PRDM6: variants seen among roughly 807,000 people sequenced by gnomAD.
The protein encoded by PRDM6 is PR/SET domain 6, also known as putative histone-lysine N-methyltransferase PRDM6.
Under a neutral mutation model 60.8 loss-of-function variants are expected in PRDM6, and 25 were observed. The observed-to-expected ratio is 0.41, with a 90% confidence interval of 0.30 to 0.57. PRDM6 has a LOEUF of 0.57. Among genes scored for constraint, PRDM6 ranks in the 20% least tolerant of loss-of-function variants. The probability of loss-of-function intolerance (pLI) is 0.27; values close to 1 mark genes in which losing one functional copy is unlikely to be tolerated. For missense variants in PRDM6, 839 were observed against 821.3 expected (o/e 1.02, Z -0.26); for synonymous variants, 407 against 357.4 (o/e 1.14, Z -1.57).
chr5:123,127,055 T>G (rs1472498048), intron 3 of PRDM6, among the ~76,000 whole-genome samples: 3 of 151,766 alleles, frequency 2.0e-5, no homozygotes, highest in Non-Finnish European at 4.4e-5. Flanking sequence ...TTTTTTTTTT[T>G]GAGATGGAGT....
At chr5:123,136,715 T>C (rs1366127746) in intron 3 of PRDM6, among the ~76,000 whole-genome samples, 1 of 152,210 alleles carries the variant, frequency 6.6e-6, no homozygotes, top group Non-Finnish European at 1.5e-5. Context: ...ATTTTATGTG[T>C]GCTGAATTTA....
At chr5:123,105,301 A>G (rs1580480965) in intron 3 of PRDM6, among the ~76,000 whole-genome samples, 1 of 152,210 alleles carries the variant, frequency 6.6e-6, no homozygotes, top group Admixed American at 6.5e-5. Context: ...AGAAATCAGT[A>G]TCTCAGAGGT....
intron 3 of PRDM6, among the ~76,000 whole-genome samples, chr5:123,115,348 G>C (rs1043491234): frequency 3.3e-5 from 5 of 152,108 alleles, no homozygotes; most frequent in Admixed American, 2.0e-4. Flanking sequence ...CTTCTCCAAG[G>C]AAAGGGATGC....
intron 7 of PRDM6, among the ~76,000 whole-genome samples, chr5:123,182,329 A>G (rs1206603656): frequency 1.3e-5 from 2 of 152,190 alleles, no homozygotes; most frequent in Non-Finnish European, 2.9e-5. Flanking sequence ...TGTGCCTTTG[A>G]GCAAGAGAGC....
chr5:123,109,344 A>T (rs1355335008), intron 3 of PRDM6, among the ~76,000 whole-genome samples: 2 of 152,168 alleles, frequency 1.3e-5, no homozygotes, highest in East Asian at 1.9e-4. Context: ...ATGGCTATGT[A>T]AATTACAGAG....
At chr5:123,125,021 T>G (rs1031127505) in intron 3 of PRDM6, among the ~76,000 whole-genome samples, 4 of 152,088 alleles carry the variant, frequency 2.6e-5, no homozygotes, top group Non-Finnish European at 5.9e-5. Flanking sequence ...TGCCAGAATT[T>G]CATCATTACC....
At chr5:123,143,367 G>A (rs1357779510) in intron 3 of PRDM6, among the ~76,000 whole-genome samples, 4 of 152,092 alleles carry the variant, frequency 2.6e-5, no homozygotes, top group African/African-American at 7.2e-5. Flanking sequence ...GCCCACAGAT[G>A]CTTCCTGTGG....
Position 123,188,015 on chromosome 5 carries a change from A to G in PRDM6, c.*814A>G, listed in dbSNP as rs76598727. Reference sequence around the variant, plus strand: ...AACATTTTAGCTTAAAAAAAAAAAAAGAAAATGAAAATAAAGTTCTTTGGT... The same window carrying G: ...AACATTTTAGCTTAAAAAAAAAAAAGGAAAATGAAAATAAAGTTCTTTGGT... On this transcript the variant is annotated 3_prime_UTR_variant, in exon 8 of 8. Transcript: ENST00000407847. 1.3e-5 allele frequency: 2 copies of G among 151,556 alleles called. No individual in the cohort carries two copies. Among genetic ancestry groups the G allele is most frequent in the African/African-American group, 4.9e-5 (2 of 41,182 alleles). The allele number at this position is 151,556 out of a possible 1,614,324, so 9.4% of individuals were successfully genotyped here. A position where few individuals can be genotyped will look rare whatever the true frequency, so the allele number is the denominator to read the frequency against.
At chr5:123,146,898 A>G (rs1322184105) in intron 3 of PRDM6, among the ~76,000 whole-genome samples, 1 of 152,218 alleles carries the variant, frequency 6.6e-6, no homozygotes, top group African/African-American at 2.4e-5. Context: ...TACAATACAC[A>G]CAGTTTGTGG....
At chr5:123,179,994 T>C (rs917073409) in intron 6 of PRDM6, among the ~76,000 whole-genome samples, 153 bp from the exon 7 acceptor site, 1 of 152,154 alleles carries the variant, frequency 6.6e-6, no homozygotes, top group African/African-American at 2.4e-5. Flanking sequence ...TGGCAACAAG[T>C]AAAGTAGTGG....
chr5:123,170,626 A>T, intron 5 of PRDM6, 140 bp from the exon 6 acceptor site: 1 of 664,520 alleles, frequency 1.5e-6, no homozygotes, highest in Non-Finnish European at 2.5e-6. Context: ...CTCAAATCAG[A>T]TGGTTTGTTA....
At chr5:123,168,336 A>T (rs945207626) in intron 5 of PRDM6, among the ~76,000 whole-genome samples, 2 of 152,226 alleles carry the variant, frequency 1.3e-5, no homozygotes, top group Non-Finnish European at 2.9e-5. Context: ...CTGTAAAAAC[A>T]TCCTTTAAAT....
At chr5:123,159,338 A>G (rs1182610057) in intron 4 of PRDM6, among the ~76,000 whole-genome samples, 176 bp from the exon 5 acceptor site, 3 of 152,194 alleles carry the variant, frequency 2.0e-5, no homozygotes, top group African/African-American at 7.2e-5. Context: ...GCTGTTTATC[A>G]CACTGAGTTA....
chr5:123,184,320 T>C (rs1766232634), intron 7 of PRDM6, among the ~76,000 whole-genome samples: 1 of 151,862 alleles, frequency 6.6e-6, no homozygotes, highest in African/African-American at 2.4e-5. Flanking sequence ...TAGAGGTAAT[T>C]AAGTCTAATT....
At chr5:123,120,942 A>G (rs1476324608) in intron 3 of PRDM6, among the ~76,000 whole-genome samples, 2 of 152,228 alleles carry the variant, frequency 1.3e-5, no homozygotes, top group Non-Finnish European at 2.9e-5. Flanking sequence ...GAATAAGGTA[A>G]TAAATGATAA....
intron 3 of PRDM6, among the ~76,000 whole-genome samples, chr5:123,111,698 AAAAC>A (rs200494072): frequency 0.46 from 68,886 of 148,404 alleles, 16,051 homozygotes; most frequent in South Asian, 0.56. Flanking sequence ...AAAACAAAAC[AAAAC>A]AAAACAAAAA....
At chr5:123,168,968 G>A (rs151152931) in intron 5 of PRDM6, among the ~76,000 whole-genome samples, 138 of 152,302 alleles carry the variant, frequency 9.1e-4, no homozygotes, top group African/African-American at 3.0e-3. Flanking sequence ...CTGCATCTTC[G>A]TGCCATGTAG....
intron 2 of PRDM6, among the ~76,000 whole-genome samples, chr5:123,095,333 C>T (rs13174890): frequency 0.032 from 4,829 of 152,354 alleles, 105 homozygotes; most frequent in Middle Eastern, 0.1. Context: ...GAGGCCTGGG[C>T]GCCCCACCCC....
Position 123,090,383 on chromosome 5 carries a change from C to T in PRDM6, c.369C>T (p.Ala123=), listed in dbSNP as rs1289789742. ...VSQLPVFAPL[A]AAAVAAEPLP... ...AGCTGCCGGTGTTCGCGCCTCTAGC[C>T]GCCGCTGCCGTCGCCGCCGAGCCGC... Residue 123 remains alanine (A), a synonymous_variant, in exon 2 of 8, where the codon GCC becomes GCT. Coordinates refer to ENST00000407847, the MANE Select transcript of PRDM6 (RefSeq NM_001136239.4). The T allele has an allele frequency of 2.8e-5, 41 of 1,464,824 alleles. No homozygotes were observed. Among genetic ancestry groups the T allele is most frequent in the Non-Finnish European group, 3.4e-5 (38 of 1,114,318 alleles). 90.7% of individuals were successfully genotyped at this position (1,464,824 alleles called of 1,614,324 possible). A position where few individuals can be genotyped will look rare whatever the true frequency, so the allele number is the denominator to read the frequency against.
Sources: gnomAD v4.1 joint callset for allele counts (sites outside exome capture counted in the v4.1 genomes callset) on GRCh38, gnomAD v4.1.1 for gene constraint, MANE v1.5 for transcripts, NCBI Gene and HGNC (gene_info 2026-07-23, HGNC 2026-07-21) for gene names.